Variants in F5 observed in about 807,000 individuals in gnomAD.
F5 encodes the protein activated protein c cofactor.
Under a neutral mutation model 216.4 loss-of-function variants are expected in F5, and 138 were observed. That is an observed-to-expected ratio of 0.64 (90% CI 0.56 to 0.73). The LOEUF is 0.73. Among genes scored for constraint, F5 ranks in the 30% least tolerant of loss-of-function variants. The pLI, the probability that F5 is intolerant of heterozygous loss-of-function variation, is 0.00. For synonymous variants in F5, 916 were observed against 930.7 expected (o/e 0.98, Z 0.29); for missense variants, 2,403 against 2,674.0 (o/e 0.90, Z 2.24).
chr1:169,541,034 G>C lies in F5; in HGVS notation c.4056C>G (p.Leu1352=). The C allele has an allele frequency of 6.2e-7, 1 of 1,605,500 alleles. No homozygotes were observed. Among genetic ancestry groups the C allele is most frequent in the Non-Finnish European group, 8.5e-7 (1 of 1,174,586 alleles). ...ELSQTNLSPA[L]GQMPLSPDPS... is the part of the protein sequence containing the mutation. Reference sequence around the variant, plus strand: ...GGTCTGGAGAAAGGGGCATCTGACCGAGGGCTGGGGAAAGGTTTGTTTGAC... The same window carrying C: ...GGTCTGGAGAAAGGGGCATCTGACCCAGGGCTGGGGAAAGGTTTGTTTGAC... The change falls in exon 13 of 25, where the codon CTC becomes CTG. Residue 1352 remains leucine, a synonymous_variant. Coordinates refer to ENST00000367797, the MANE Select transcript of F5 (RefSeq NM_000130.5).
chr1:169,540,601 T>TAGGAGATGA lies in F5; in HGVS notation c.4480_4488dup (p.Ser1494_Pro1496dup). The TAGGAGATGA allele has an allele frequency of 6.2e-7, 1 of 1,613,906 alleles. No individual in the cohort carries two copies. Among genetic ancestry groups the TAGGAGATGA allele is most frequent in the Non-Finnish European group, 8.5e-7 (1 of 1,179,944 alleles). On this transcript the variant is annotated inframe_insertion, in exon 13 of 25. Transcript: ENST00000367797. ...TTTGATAGAAAAGTATCATTGAGAGTAGGAGATGAAGGAGATGGCATCTGA... is the reference window on the plus strand; with the variant it reads ...TTTGATAGAAAAGTATCATTGAGAGTAGGAGATGAAGGAGATGAAGGAGATGGCATCTGA...
chr1:169,553,044 G>A (rs187076896), intron 7 of F5, among the ~76,000 whole-genome samples: 121 of 152,322 alleles, frequency 7.9e-4, no homozygotes, highest in African/African-American at 2.7e-3. Context: ...TATACTGGCT[G>A]AAAAGATACT....
At chr1:169,529,500 G>A (rs1369389628) in intron 16 of F5, 108 bp downstream of exon 16, 8 of 1,002,386 alleles carry the variant, frequency 8.0e-6, no homozygotes, top group African/African-American at 1.6e-5. Context: ...GTAGCTCTGG[G>A]TGTCTCAGAA....
chr1:169,554,264 T>G (rs1468193114), intron 7 of F5, among the ~76,000 whole-genome samples: 3 of 117,916 alleles, frequency 2.5e-5, no homozygotes, highest in Admixed American at 8.3e-5. Flanking sequence ...ATAAATATTC[T>G]TATCCCTTTC....
At chr1:169,553,640 T>A (rs1660230582) in intron 7 of F5, among the ~76,000 whole-genome samples, 1 of 152,230 alleles carries the variant, frequency 6.6e-6, no homozygotes, top group Non-Finnish European at 1.5e-5. Flanking sequence ...GAGAATGGCG[T>A]GAGCCTGGGA....
rs747282664 is a variant in F5 at position 169,541,049 on chromosome 1, G to T, written c.4041C>A (p.Asn1347Lys). 2 of 1,608,372 alleles carry T rather than the reference G, an allele frequency of 1.2e-6. No individual in the cohort carries two copies. The highest frequency in any genetic ancestry group is 1.7e-5 in the Admixed American group (1 of 59,274). The change falls in exon 13 of 25, where the codon AAC becomes AAA. Residue 1347 changes from asparagine to lysine, a missense_variant. Asn to Lys is a moderately conservative substitution (Grantham distance 94, BLOSUM62 0). Coordinates refer to ENST00000367797, the MANE Select transcript of F5 (RefSeq NM_000130.5). Reference sequence around the variant, plus strand: ...GCATCTGACCGAGGGCTGGGGAAAGGTTTGTTTGACTGAGTTCTGGAGAGA... The same window carrying T: ...GCATCTGACCGAGGGCTGGGGAAAGTTTTGTTTGACTGAGTTCTGGAGAGA... ...TNLSPELSQT[N>K]LSPALGQMPL...
chr1:169,555,880 G>A lies in F5; in HGVS notation c.953-533C>T, dbSNP rs539466667. On this transcript the variant is annotated intron_variant, in intron 6 of 24. Coordinates refer to ENST00000367797, the MANE Select transcript of F5 (RefSeq NM_000130.5). ...ACTTCAAATATAATTTTGACTACTCGTGTGAAAAGAAACAGAAATGATCTC... is the reference window on the plus strand; with the variant it reads ...ACTTCAAATATAATTTTGACTACTCATGTGAAAAGAAACAGAAATGATCTC... Among the ~76,000 whole-genome samples the A allele has an allele frequency of 5.9e-5, 9 of 152,082 alleles. No homozygotes were observed. In the South Asian group the frequency reaches 6.2e-4, roughly 11 times the overall value.
rs563983809 is a variant in F5, at chr1:169,565,002, G to A, written c.374-4236C>T. On this transcript the variant is annotated intron_variant, in intron 3 of 24. Transcript: ENST00000367797. ...ACTTCTCTCTTCAGTCTTATCATAC[G>A]TCTTTTCTCTTGTTTACTATGGGCT... Among the ~76,000 whole-genome samples the A allele has an allele frequency of 6.6e-5, 10 of 152,144 alleles. No homozygotes were observed. In the South Asian group the frequency reaches 1.2e-3, roughly 19 times the overall value.
chr1:169,512,233 T>C lies in F5; in HGVS notation c.*2080A>G, dbSNP rs531602193. The stretch of plus-strand genomic sequence containing the variant: ...CTAACAAGCAATATCCTTGGGCAAG[T>C]TGTTTAATCTTTGGGGCCTTATTTT... On this transcript the variant is annotated 3_prime_UTR_variant, in exon 25 of 25. Coordinates refer to ENST00000367797, the MANE Select transcript of F5 (RefSeq NM_000130.5). Among the ~76,000 whole-genome samples, 8 of 152,154 alleles carry C rather than the reference T, an allele frequency of 5.3e-5. No homozygotes were observed. Among genetic ancestry groups the C allele is most frequent in the African/African-American group, 1.7e-4 (7 of 41,548 alleles).
In F5 at chr1:169,540,940, G is replaced by T. The variant is rs1438410513; in HGVS notation, c.4150C>A (p.Leu1384Ile). Residue 1384 changes from leucine (L) to isoleucine (I), a missense_variant, in exon 13 of 25, where the codon CTT (leucine) becomes ATT (isoleucine). Transcript: ENST00000367797. ...GGCATCTCACTGAGGTCTGGGGAAAGGTTTGTCTGACTGAGTTCTGGAGAG... is the reference window on the plus strand; with the variant it reads ...GGCATCTCACTGAGGTCTGGGGAAATGTTTGTCTGACTGAGTTCTGGAGAG... ...NLSPELSQTNLSPDLSEMPLF... is the reference protein window; with the variant it reads ...NLSPELSQTNISPDLSEMPLF... 1 of 1,614,174 alleles carries T rather than the reference G, an allele frequency of 6.2e-7. No individual in the cohort carries two copies. The highest frequency in any genetic ancestry group is 8.5e-7 in the Non-Finnish European group (1 of 1,180,022).
In F5 at chr1:169,541,505, G is replaced by A. The variant is rs777315667; in HGVS notation, c.3585C>T (p.Leu1195=). Residue 1195 remains leucine (L), a synonymous_variant, in exon 13 of 25, where the codon CTC becomes CTT. Coordinates refer to ENST00000367797, the MANE Select transcript of F5 (RefSeq NM_000130.5). The part of the protein sequence containing the change: ...VISPDLSQVT[L]SPELSQTNLS... ...GGTTTGTCTGGCTGAGTTCTGGAGAGAGGGTCACCTGGCTGAGGTCTGGAG... is the reference window on the plus strand; with the variant it reads ...GGTTTGTCTGGCTGAGTTCTGGAGAAAGGGTCACCTGGCTGAGGTCTGGAG... The A allele has an allele frequency of 6.2e-7, 1 of 1,613,858 alleles. No homozygotes were observed. Among genetic ancestry groups the A allele is most frequent in the East Asian group, 2.2e-5 (1 of 44,872 alleles).
Position 169,541,850 on chromosome 1 carries a change from T to C in F5, c.3240A>G (p.Thr1080=). 1 of 1,614,150 alleles carries C rather than the reference T, an allele frequency of 6.2e-7. No homozygotes were observed. Among genetic ancestry groups the C allele is most frequent in the South Asian group, 1.1e-5 (1 of 91,084 alleles). Residue 1080 remains threonine (T), a synonymous_variant, in exon 13 of 25, where the codon ACA becomes ACG. Transcript: ENST00000367797. ...TAGAGGGCAATGTCTGATTGAGGTC[T>C]GTGGGAAGAGATGTTTCATTGGATT... ...LHKSNETSLP[T]DLNQTLPSMD... is the part of the protein sequence containing the mutation.
chr1:169,522,764 A>G (rs1016876048), intron 21 of F5, among the ~76,000 whole-genome samples: 1 of 152,194 alleles, frequency 6.6e-6, no homozygotes, highest in Non-Finnish European at 1.5e-5. Flanking sequence ...ACACTGCCTC[A>G]GAGGCTTACT....
At chr1:169,564,040 G>GT (rs1439909190) in intron 3 of F5, among the ~76,000 whole-genome samples, 6 of 151,936 alleles carry the variant, frequency 3.9e-5, no homozygotes, top group African/African-American at 1.5e-4. Flanking sequence ...TTTTTATTCT[G>GT]TTGCCTCCTC....
intron 4 of F5, among the ~76,000 whole-genome samples, chr1:169,560,031 A>G (rs1207453297): frequency 6.6e-6 from 1 of 152,138 alleles, no homozygotes; most frequent in Non-Finnish European, 1.5e-5. Flanking sequence ...TGCTCCTAAG[A>G]AGCCCAGCCA....
chr1:169,578,477 C>T (rs973934502), intron 2 of F5, among the ~76,000 whole-genome samples: 1 of 152,208 alleles, frequency 6.6e-6, no homozygotes, highest in Non-Finnish European at 1.5e-5. Flanking sequence ...TTAGTCCTTT[C>T]CGTCTCTTAT....
rs1659104642 is a variant in F5, at chr1:169,514,285, T to C, written c.*28A>G. On this transcript the variant is annotated 3_prime_UTR_variant, in exon 25 of 25. Transcript: ENST00000367797. ...AAATGGTTTGAGGTCTTAAAGAGTC[T>C]CTTCCAGGGGTTTTTGAATGTTCAA... The C allele has an allele frequency of 1.9e-6, 3 of 1,611,692 alleles. No homozygotes were observed.
chr1:169,544,219 TG>T, intron 12 of F5, 76 bp downstream of exon 12: 1 of 1,216,086 alleles, frequency 8.2e-7, no homozygotes, highest in Non-Finnish European at 1.2e-6. Context: ...ACTGGTAGCC[TG>T]GAGAGTTGCA....
chr1:169,566,774 T>G (rs7553699), intron 3 of F5, among the ~76,000 whole-genome samples: 36,678 of 151,944 alleles, frequency 0.24, 5,324 homozygotes, highest in South Asian at 0.36. Context: ...CTGGAAAATA[T>G]TTGTAAAATT....
Sources: allele counts gnomAD v4.1 joint callset (sites outside exome capture counted in the v4.1 genomes callset), GRCh38; gene constraint gnomAD v4.1.1; transcripts MANE v1.5; gene names NCBI Gene and HGNC (gene_info 2026-07-23, HGNC 2026-07-21).